The following DHX37 variants were observed in gnomAD, a reference collection of about 807,000 sequenced individuals.
DHX37 encodes DEAH-box helicase 37.
In DHX37, 52 loss-of-function variants were observed where a neutral mutation model predicts 134.3. The observed-to-expected ratio is 0.39, with a 90% CI of 0.31 to 0.49. The LOEUF is 0.49. Among genes scored for constraint, DHX37 ranks in the 20% least tolerant of loss-of-function variants. DHX37 has a pLI of 0.93. For missense variants in DHX37, 1,344 were observed against 1,580.8 expected (o/e 0.85, Z 2.54); for synonymous variants, 634 against 670.7 (o/e 0.95, Z 0.85).
chr12:124,980,814 C>T lies in DHX37; in HGVS notation c.414G>A (p.Pro138=), dbSNP rs370798252. 2.6e-5 allele frequency: 40 copies of T among 1,556,264 alleles called. No individual in the cohort carries two copies. Among genetic ancestry groups the T allele is most frequent in the South Asian group, 3.5e-5 (3 of 85,568 alleles). The stretch of plus-strand genomic sequence containing the variant: ...TGAGGCTACTGATCTTCTCCTGGCC[C>T]GGGGCTACCACCTCGTCAGCCTTCC... The part of the protein sequence containing the change: ...TKEKADEVVA[P]GQEKISSLSG... The change falls in exon 4 of 27, where the codon CCG becomes CCA. Residue 138 remains proline, a synonymous_variant. Transcript: ENST00000308736. The surrounding 1 kb of genome is among the most constrained non-coding windows in gnomAD (Gnocchi z 5.3).
At chr12:124,975,283 C>G (rs753934774) in intron 6 of DHX37, 136 bp downstream of exon 6, 3 of 858,496 alleles carry the variant, frequency 3.5e-6, no homozygotes, top group Non-Finnish European at 5.4e-6. Flanking sequence ...ACAATGATTC[C>G]CAGTGCTACA....
chr12:124,984,202 G>A (rs1037214701), intron 2 of DHX37, among the ~76,000 whole-genome samples: 5 of 152,094 alleles, frequency 3.3e-5, no homozygotes, highest in African/African-American at 9.7e-5. Flanking sequence ...AAATACTAAT[G>A]TACAAAAAGC....
intron 4 of DHX37, among the ~76,000 whole-genome samples, chr12:124,979,236 C>A (rs1330047148): frequency 6.6e-6 from 1 of 152,152 alleles, no homozygotes. Context: ...AGCGTAGTAG[C>A]GTGTGCCCAC....
chr12:124,975,252 G>A (rs750609601), intron 6 of DHX37, among the ~76,000 whole-genome samples, 167 bp downstream of exon 6: 9 of 152,184 alleles, frequency 5.9e-5, no homozygotes, highest in Non-Finnish European at 1.0e-4. Flanking sequence ...TGCTTGGGCA[G>A]GTCCTGGAAA....
chr12:124,970,288 G>C (rs1262189920), intron 8 of DHX37, among the ~76,000 whole-genome samples: 6 of 152,160 alleles, frequency 3.9e-5, no homozygotes, highest in African/African-American at 9.7e-5. Flanking sequence ...GTTTCTTGTT[G>C]GATTGATGAG....
chr12:124,965,619 T>TCAGGG (rs1432246111), intron 13 of DHX37, 49 bp downstream of exon 13: 1 of 1,543,126 alleles, frequency 6.5e-7, no homozygotes, highest in African/African-American at 1.4e-5. Flanking sequence ...GGGCACATCC[T>TCAGGG]CAGGGCAGAG....
chr12:124,960,396 G>A lies in DHX37; in HGVS notation c.2073C>T (p.Asp691=). 1.9e-6 allele frequency: 3 copies of A among 1,614,146 alleles called. No homozygotes were observed. The highest frequency in any genetic ancestry group is 1.7e-6 in the Non-Finnish European group (2 of 1,180,004). ...TTTCTGGAGGAGGAAACTGCTCGAA[G>A]TCACCAAAAACCGCAGATGAATACA... is the stretch of plus-strand genomic sequence containing the variant. ...YRLYSSAVFG[D]FEQFPPPEIT... The change falls in exon 16 of 27, where the codon GAC becomes GAT. Residue 691 remains aspartate (D), a synonymous_variant. Transcript: ENST00000308736.
chr12:124,986,055 G>A (rs1215615965), intron 2 of DHX37, 41 bp downstream of exon 2: 1 of 1,609,300 alleles, frequency 6.2e-7, no homozygotes, highest in Non-Finnish European at 8.5e-7. Flanking sequence ...CTCTCTCTAT[G>A]CTGGAGAGCC....
rs377712979 is a variant in DHX37 at position 124,972,892 on chromosome 12, TG to T, written c.981-294del. Among the ~76,000 whole-genome samples the T allele has an allele frequency of 3.2e-4, 49 of 152,364 alleles. 1 individual carries two copies. The highest frequency in any genetic ancestry group is 1.1e-3 in the African/African-American group (45 of 41,586). On this transcript the variant is annotated intron_variant, in intron 6 of 26. Coordinates refer to ENST00000308736, the MANE Select transcript of DHX37 (RefSeq NM_032656.4). Reference sequence around the variant, plus strand: ...AGGAGACACCGGGGAGACCTGCACATGGGCTGGAGTGTGTTCCAGAGACTTC... The same window carrying T: ...AGGAGACACCGGGGAGACCTGCACATGGCTGGAGTGTGTTCCAGAGACTTC...
chr12:124,965,518 G>A, intron 13 of DHX37, 150 bp downstream of exon 13: 3 of 1,294,708 alleles, frequency 2.3e-6, no homozygotes, highest in Non-Finnish European at 3.0e-6. Flanking sequence ...AATGTTTGAG[G>A]CCTCCTCGTG....
At chr12:124,953,708 A>C (rs1314154141) in intron 20 of DHX37, 172 bp downstream of exon 20, 1 of 1,181,440 alleles carries the variant, frequency 8.5e-7, no homozygotes, top group Non-Finnish European at 1.2e-6. Context: ...GCTCATGTGC[A>C]CATTCCCTTG....
intron 9 of DHX37, 28 bp downstream of exon 9, chr12:124,968,839 T>C (rs1335675940): frequency 1.2e-6 from 2 of 1,613,158 alleles, no homozygotes; most frequent in Non-Finnish European, 1.7e-6. Flanking sequence ...CCATCCAAGC[T>C]CACAGAGGAC....
At position 124,980,772 on chromosome 12, in the gene DHX37, C is replaced by T. The variant is rs1954744190; in HGVS notation, c.456G>A (p.Lys152=). The T allele has an allele frequency of 9.0e-6, 14 of 1,557,288 alleles. No individual in the cohort carries two copies. The highest frequency in any genetic ancestry group is 1.1e-5 in the Non-Finnish European group (13 of 1,153,262). ...KISSLSGAHR[K]RRRWPSAEEE... ...CCTCAGCTGAGGGCCAGCGGCGACGCTTCCGGTGGGCACCGCTGAGGCTAC... is the reference window on the plus strand; with the variant it reads ...CCTCAGCTGAGGGCCAGCGGCGACGTTTCCGGTGGGCACCGCTGAGGCTAC... The change falls in exon 4 of 27, where the codon AAG becomes AAA. Residue 152 remains lysine (K), a synonymous_variant. Coordinates refer to ENST00000308736, the MANE Select transcript of DHX37 (RefSeq NM_032656.4). The surrounding 1 kb of genome is among the most constrained non-coding windows in gnomAD (Gnocchi z 5.3).
chr12:124,975,307 C>T, intron 6 of DHX37, 112 bp downstream of exon 6: 1 of 1,100,102 alleles, frequency 9.1e-7, no homozygotes, highest in Non-Finnish European at 1.3e-6. Flanking sequence ...AGAGGTGACA[C>T]TCCACCCAGC....
In DHX37 at chr12:124,968,900, T is replaced by G. The variant is rs1218156368; in HGVS notation, c.1260A>C (p.Pro420=). The part of the protein sequence containing the change: ...TLRVEDFTQN[P]RLFAKPPPVI... ...CCGGCGGCGGCTTGGCGAAGAGCCGTGGGTTCTGGGTGAAGTCCTCCACCC... is the reference window on the plus strand; with the variant it reads ...CCGGCGGCGGCTTGGCGAAGAGCCGGGGGTTCTGGGTGAAGTCCTCCACCC... The change falls in exon 9 of 27, where the codon CCA becomes CCC. Residue 420 remains proline (P), a synonymous_variant. Coordinates refer to ENST00000308736, the MANE Select transcript of DHX37 (RefSeq NM_032656.4). 6.2e-7 allele frequency: 1 copy of G among 1,614,038 alleles called. No individual in the cohort carries two copies. The highest frequency in any genetic ancestry group is 8.5e-7 in the Non-Finnish European group (1 of 1,180,020).
chr12:124,975,443 G>A lies in DHX37; in HGVS notation c.956C>T (p.Ala319Val), dbSNP rs777901080. 3.1e-6 allele frequency: 5 copies of A among 1,613,020 alleles called. No individual in the cohort carries two copies. In the Admixed American group the frequency reaches 8.3e-5, roughly 27 times the overall value. The change falls in exon 6 of 27, where the codon GCC becomes GTC. Residue 319 changes from alanine to valine, a missense_variant. Around this residue, in one of 7 missense-constraint regions of DHX37, gnomAD observed 32 missense variants for 28.9 expected, o/e 1.11. Coordinates refer to ENST00000308736, the MANE Select transcript of DHX37 (RefSeq NM_032656.4). ...VAAVAMSQRV[A>V]KEMNLSQRVV... ...CCGCTGGGACAGATTCATCTCCTTG[G>A]CCACTCGCTGGGACATGGCCACGGC...
At chr12:124,965,132 G>C (rs1317140992) in intron 13 of DHX37, 126 bp from the exon 14 acceptor site, 5 of 1,101,004 alleles carry the variant, frequency 4.5e-6, no homozygotes, top group Non-Finnish European at 6.5e-6. Context: ...CTGCTGCAGA[G>C]GCTCCCCTTG....
chr12:124,960,249 C>A, intron 16 of DHX37, 63 bp downstream of exon 16: 3 of 1,570,302 alleles, frequency 1.9e-6, no homozygotes, highest in Non-Finnish European at 2.6e-6. Context: ...GGGCTCCCTG[C>A]CTCAGGGAAA....
At position 124,972,550 on chromosome 12, in the gene DHX37, T is replaced by G. The variant is rs1041136492; in HGVS notation, c.1030A>C (p.Arg344=). 2.5e-5 allele frequency: 41 copies of G among 1,614,246 alleles called. No homozygotes were observed. The highest frequency in any genetic ancestry group is 3.3e-5 in the Admixed American group (2 of 60,030). The change falls in exon 7 of 27, where the codon AGA becomes CGA. Residue 344 remains arginine (R), a synonymous_variant. Transcript: ENST00000308736. ...RYEGNVTEET[R]IKFMTDGVLL... is the part of the protein sequence containing the mutation. ...ACACCATCCGTCATGAACTTGATTC[T>G]GGTCTCCTCTGTCACGTTTCCTTCA...
Sources: allele counts gnomAD v4.1 joint callset (sites outside exome capture counted in the v4.1 genomes callset), GRCh38; gene constraint gnomAD v4.1.1; regional missense constraint gnomAD v4.1.1; non-coding constraint Gnocchi (gnomAD v3.1); transcripts MANE v1.5; gene names NCBI Gene and HGNC (gene_info 2026-07-23, HGNC 2026-07-21).